Variants in OTUD7A observed in about 807,000 individuals in gnomAD.
OTUD7A encodes OTU domain-containing protein 7A.
OTUD7A carries 12 observed loss-of-function variants against 65.7 expected under a neutral mutation model. The ratio of observed to expected loss-of-function variants is 0.18; its 90% CI spans 0.12 to 0.30. The LOEUF is 0.30. Ranked by LOEUF, OTUD7A falls within the 10% of genes least tolerant of loss-of-function variation. OTUD7A has a pLI of 1.00. For synonymous variants in OTUD7A, 641 were observed against 586.3 expected (o/e 1.09, Z -1.35); for missense variants, 1,148 against 1,304.8 (o/e 0.88, Z 1.85).
rs1294473921 is a variant in OTUD7A at position 31,493,852 on chromosome 15, A to G, written c.1172-6286T>C. 2.0e-5 allele frequency among the ~76,000 whole-genome samples: 3 copies of G among 150,148 alleles called. No individual in the cohort carries two copies. In the East Asian group the frequency reaches 5.9e-4, roughly 29 times the overall value. On this transcript the variant is annotated intron_variant, in intron 10 of 12. Coordinates refer to ENST00000307050, the MANE Select transcript of OTUD7A (RefSeq NM_001382637.1). ...ATCAAAATTTGTATGGTGTAGTTACAGCAGTACTTAGGGGAAAAGTTATAG... is the reference window on the plus strand; with the variant it reads ...ATCAAAATTTGTATGGTGTAGTTACGGCAGTACTTAGGGGAAAAGTTATAG...
intron 3 of OTUD7A, among the ~76,000 whole-genome samples, chr15:31,621,252 G>T (rs1169453726): frequency 6.6e-6 from 1 of 152,090 alleles, no homozygotes; most frequent in African/African-American, 2.4e-5. Flanking sequence ...TGTCGATTTG[G>T]GGTGGAAAGT....
intron 1 of OTUD7A, among the ~76,000 whole-genome samples, chr15:31,810,190 G>A (rs1896383096): frequency 6.6e-6 from 1 of 152,184 alleles, no homozygotes; most frequent in African/African-American, 2.4e-5. Flanking sequence ...GTTCTACGGA[G>A]CTGGGTCTAC....
chr15:31,831,948 T>C (rs962374318), intron 1 of OTUD7A, among the ~76,000 whole-genome samples: 1 of 152,234 alleles, frequency 6.6e-6, no homozygotes, highest in Non-Finnish European at 1.5e-5. Context: ...ATCAGACAGG[T>C]TGCCTGGCGG....
intron 1 of OTUD7A, among the ~76,000 whole-genome samples, chr15:31,831,939 T>C (rs913461213): frequency 6.6e-6 from 1 of 152,230 alleles, no homozygotes; most frequent in Non-Finnish European, 1.5e-5. Context: ...GATGGAGAAA[T>C]CAGACAGGTT....
At chr15:31,818,537 G>A (rs535459054) in intron 1 of OTUD7A, among the ~76,000 whole-genome samples, 1 of 152,288 alleles carries the variant, frequency 6.6e-6, no homozygotes, top group Admixed American at 6.5e-5. Flanking sequence ...CATGGGCCTG[G>A]CTTTGACTGA....
At chr15:31,832,800 A>G (rs1027197331) in intron 1 of OTUD7A, among the ~76,000 whole-genome samples, 1 of 152,206 alleles carries the variant, frequency 6.6e-6, no homozygotes, top group African/African-American at 2.4e-5. Context: ...AAGGCTGAAT[A>G]ATATTCCATT....
chr15:31,825,422 A>G (rs912385761), intron 1 of OTUD7A, among the ~76,000 whole-genome samples: 1 of 152,204 alleles, frequency 6.6e-6, no homozygotes, highest in Non-Finnish European at 1.5e-5. Context: ...AGATCTTATA[A>G]GACTTATTCA....
intron 10 of OTUD7A, among the ~76,000 whole-genome samples, chr15:31,497,145 A>G (rs1269424168): frequency 6.6e-6 from 1 of 152,198 alleles, no homozygotes; most frequent in Non-Finnish European, 1.5e-5. Context: ...CACTGAGGAC[A>G]CACTGAGGGT....
intron 9 of OTUD7A, among the ~76,000 whole-genome samples, 166 bp downstream of exon 9, chr15:31,503,525 C>T (rs2041506601): frequency 6.6e-6 from 1 of 152,232 alleles, no homozygotes; most frequent in Non-Finnish European, 1.5e-5. Flanking sequence ...CAAGAACAAT[C>T]TCTGCTGCCA....
chr15:31,573,326 A>G (rs1411504362), intron 3 of OTUD7A, among the ~76,000 whole-genome samples: 1 of 152,234 alleles, frequency 6.6e-6, no homozygotes, highest in Non-Finnish European at 1.5e-5. Flanking sequence ...TTCAGAAAAC[A>G]TTTCTCAAAT....
At chr15:31,766,179 G>A (rs566087470) in intron 1 of OTUD7A, 2 of 1,494,118 alleles carry the variant, frequency 1.3e-6, no homozygotes, top group South Asian at 2.3e-5. Flanking sequence ...TAATCTTCCA[G>A]CAAGAAGCTC....
At chr15:31,518,376 G>T (rs1431764757) in intron 8 of OTUD7A, among the ~76,000 whole-genome samples, 1 of 152,086 alleles carries the variant, frequency 6.6e-6, no homozygotes, top group African/African-American at 2.4e-5. Context: ...GGGAGGCTGA[G>T]GCAGGATCAT....
intron 1 of OTUD7A, among the ~76,000 whole-genome samples, chr15:31,818,140 G>A (rs546338090): frequency 6.6e-6 from 1 of 152,318 alleles, no homozygotes; most frequent in South Asian, 2.1e-4. Flanking sequence ...CCAGTGCCTT[G>A]AAACTGGACT....
intron 1 of OTUD7A, among the ~76,000 whole-genome samples, chr15:31,862,269 C>T (rs1897762220): frequency 2.0e-5 from 3 of 152,200 alleles, no homozygotes; most frequent in Admixed American, 2.0e-4. Flanking sequence ...CCAATGAGCC[C>T]TTGTATGCCT....
At chr15:31,623,378 G>A (rs1890856584) in intron 3 of OTUD7A, among the ~76,000 whole-genome samples, 1 of 152,214 alleles carries the variant, frequency 6.6e-6, no homozygotes, top group Non-Finnish European at 1.5e-5. Context: ...GTCTACAGAG[G>A]CAGGCAGGCC....
chr15:31,637,220 A>G (rs1195399572), intron 3 of OTUD7A, among the ~76,000 whole-genome samples: 1 of 152,194 alleles, frequency 6.6e-6, no homozygotes, highest in Non-Finnish European at 1.5e-5. Context: ...TGGTGACTTT[A>G]AGTTGAAACC....
intron 3 of OTUD7A, among the ~76,000 whole-genome samples, chr15:31,612,176 C>T (rs1235161646): frequency 6.6e-6 from 1 of 152,156 alleles, no homozygotes; most frequent in Non-Finnish European, 1.5e-5. Context: ...CTATGACAAA[C>T]CCACAGCCAA....
intron 3 of OTUD7A, among the ~76,000 whole-genome samples, chr15:31,647,176 G>A (rs931349729): frequency 3.3e-5 from 5 of 151,776 alleles, no homozygotes; most frequent in African/African-American, 7.2e-5. Flanking sequence ...TCCCAGCCCC[G>A]GCCAAGGGCC....
chr15:31,783,119 GA>G (rs1394436949), intron 1 of OTUD7A, among the ~76,000 whole-genome samples: 1 of 152,134 alleles, frequency 6.6e-6, no homozygotes, highest in Non-Finnish European at 1.5e-5. Context: ...ACTGAGCCGG[GA>G]AGAAACCAAA....
Sources: gnomAD v4.1 joint callset for allele counts (sites outside exome capture counted in the v4.1 genomes callset) on GRCh38, gnomAD v4.1.1 for gene constraint, MANE v1.5 for transcripts, NCBI Gene and HGNC (gene_info 2026-07-23, HGNC 2026-07-21) for gene names.